The following SLC35F4 variants were observed in gnomAD, a reference collection of about 807,000 sequenced individuals.
SLC35F4 encodes the protein solute carrier family 35 member F4.
Under a neutral mutation model 44.2 loss-of-function variants are expected in SLC35F4, and 24 were observed. The observed-to-expected ratio is 0.54, with a 90% CI of 0.39 to 0.76. SLC35F4 has a LOEUF of 0.76. Among genes scored for constraint, SLC35F4 ranks in the 30% least tolerant of loss-of-function variants. The probability of loss-of-function intolerance (pLI) is 0.00; values close to 1 mark genes in which losing one functional copy is unlikely to be tolerated. For synonymous variants in SLC35F4, 238 were observed against 223.6 expected (o/e 1.06, Z -0.57); for missense variants, 562 against 586.1 (o/e 0.96, Z 0.42).
intron 1 of SLC35F4, among the ~76,000 whole-genome samples, chr14:57,878,906 C>T (rs1040576805): frequency 6.6e-6 from 1 of 152,134 alleles, no homozygotes; most frequent in African/African-American, 2.4e-5. Flanking sequence ...GATCTATTTA[C>T]CTTCTTTAAG....
intron 1 of SLC35F4, among the ~76,000 whole-genome samples, chr14:57,929,720 C>T (rs954772844): frequency 6.6e-6 from 1 of 152,174 alleles, no homozygotes; most frequent in Non-Finnish European, 1.5e-5. Flanking sequence ...ATTGTATTAT[C>T]TTCTTTCTCC....
At chr14:57,637,910 C>T (rs1349747696) in intron 1 of SLC35F4, among the ~76,000 whole-genome samples, 1 of 152,006 alleles carries the variant, frequency 6.6e-6, no homozygotes, top group Non-Finnish European at 1.5e-5. Context: ...TAGACCCCGT[C>T]CCTTTTGCAG....
chr14:57,908,148 G>A (rs1003476570), intron 1 of SLC35F4, among the ~76,000 whole-genome samples: 1 of 152,118 alleles, frequency 6.6e-6, no homozygotes, highest in Admixed American at 6.6e-5. Context: ...CTGCATAGTA[G>A]TCCATGGTTT....
At chr14:57,890,117 G>A (rs1031665591) in intron 1 of SLC35F4, among the ~76,000 whole-genome samples, 8 of 152,120 alleles carry the variant, frequency 5.3e-5, no homozygotes, top group Non-Finnish European at 1.2e-4. Context: ...CAGATGAGAT[G>A]TACGGAGGCC....
At chr14:57,948,999 T>C (rs1890086436) in intron 1 of SLC35F4, among the ~76,000 whole-genome samples, 1 of 152,156 alleles carries the variant, frequency 6.6e-6, no homozygotes, top group Admixed American at 6.5e-5. Flanking sequence ...ATGAAAAGAA[T>C]GTATATTCTG....
chr14:57,679,325 A>G (rs1418924683), intron 1 of SLC35F4, among the ~76,000 whole-genome samples: 1 of 152,110 alleles, frequency 6.6e-6, no homozygotes, highest in Non-Finnish European at 1.5e-5. Context: ...TTTGAAACCA[A>G]TGAGAACAAA....
At chr14:57,678,575 A>C (rs1319512967) in intron 1 of SLC35F4, among the ~76,000 whole-genome samples, 1 of 152,072 alleles carries the variant, frequency 6.6e-6, no homozygotes, top group East Asian at 1.9e-4. Context: ...ACAGACCCAC[A>C]AATTGGATGA....
chr14:57,859,452 G>A (rs1361069921), intron 1 of SLC35F4, among the ~76,000 whole-genome samples: 1 of 152,190 alleles, frequency 6.6e-6, no homozygotes, highest in East Asian at 1.9e-4. Flanking sequence ...CTGCCTTCCA[G>A]ATTTTCTGCA....
chr14:57,813,623 T>G, intron 1 of SLC35F4, among the ~76,000 whole-genome samples: 1 of 152,298 alleles, frequency 6.6e-6, no homozygotes, highest in Middle Eastern at 3.4e-3. Context: ...TAAGTATTAA[T>G]TTTTTATAAG....
chr14:57,774,730 C>T (rs1042977853), intron 1 of SLC35F4, among the ~76,000 whole-genome samples: 1 of 152,192 alleles, frequency 6.6e-6, no homozygotes, highest in Admixed American at 6.5e-5. Flanking sequence ...CAGAATGCCC[C>T]TGCAAACACT....
At chr14:57,899,394 GGT>G (rs77076108) in intron 1 of SLC35F4, among the ~76,000 whole-genome samples, 18,333 of 152,144 alleles carry the variant, frequency 0.12, 1,345 homozygotes, top group East Asian at 0.39. Flanking sequence ...TACTGCTCCA[GGT>G]GTGTTTCACC....
chr14:57,886,569 TA>T (rs1397627001), intron 1 of SLC35F4, among the ~76,000 whole-genome samples: 1 of 152,170 alleles, frequency 6.6e-6, no homozygotes, highest in African/African-American at 2.4e-5. Context: ...GGAATTAATA[TA>T]TTTTTCCATC....
intron 1 of SLC35F4, among the ~76,000 whole-genome samples, chr14:57,776,509 A>C (rs2077491016): frequency 6.6e-6 from 1 of 151,942 alleles, no homozygotes; most frequent in East Asian, 1.9e-4. Flanking sequence ...TACTAAAAAT[A>C]CAAAAAATTT....
chr14:57,969,877 T>C (rs1397317592), intron 1 of SLC35F4, among the ~76,000 whole-genome samples: 1 of 152,192 alleles, frequency 6.6e-6, no homozygotes, highest in African/African-American at 2.4e-5. Flanking sequence ...TGAGCAGCAG[T>C]ACCAAATTTG....
In SLC35F4 at chr14:57,655,789, G is replaced by A. The variant is rs564159962; in HGVS notation, c.104-61665C>T. Among the ~76,000 whole-genome samples the A allele has an allele frequency of 4.6e-5, 7 of 152,198 alleles. No individual in the cohort carries two copies. In the South Asian group the frequency reaches 1.5e-3, roughly 32 times the overall value. On this transcript the variant is annotated intron_variant, in intron 1 of 7. Coordinates refer to ENST00000556826, the MANE Select transcript of SLC35F4 (RefSeq NM_001306087.2). Reference sequence around the variant, plus strand: ...TTCTCACTTCGGACTCAAGTGTCATGACTCACAACCAATTACCAACAGTGT... The same window carrying A: ...TTCTCACTTCGGACTCAAGTGTCATAACTCACAACCAATTACCAACAGTGT...
chr14:57,852,397 C>A (rs1304416453), intron 1 of SLC35F4, among the ~76,000 whole-genome samples: 1 of 152,170 alleles, frequency 6.6e-6, no homozygotes, highest in Admixed American at 6.5e-5. Context: ...AAGAATCAGA[C>A]CTTGTAAGAT....
intron 1 of SLC35F4, among the ~76,000 whole-genome samples, chr14:57,968,821 T>A (rs1470027151): frequency 6.6e-6 from 1 of 152,200 alleles, no homozygotes; most frequent in African/African-American, 2.4e-5. Context: ...AAAATTAAAC[T>A]TCCCCATATT....
At chr14:57,709,470 A>G (rs1279655062) in intron 1 of SLC35F4, among the ~76,000 whole-genome samples, 2 of 152,036 alleles carry the variant, frequency 1.3e-5, no homozygotes, top group Non-Finnish European at 2.9e-5. Context: ...ATTGCTATAA[A>G]CTAATGATTA....
intron 1 of SLC35F4, among the ~76,000 whole-genome samples, chr14:57,823,977 T>C (rs1856047525): frequency 6.6e-6 from 1 of 152,162 alleles, no homozygotes; most frequent in Non-Finnish European, 1.5e-5. Context: ...TTTCTCAGTA[T>C]GGAATTTCAG....
Sources: gnomAD v4.1 joint callset for allele counts (sites outside exome capture counted in the v4.1 genomes callset) on GRCh38, gnomAD v4.1.1 for gene constraint, MANE v1.5 for transcripts, NCBI Gene and HGNC (gene_info 2026-07-23, HGNC 2026-07-21) for gene names.